TRAPPC11: variants seen among roughly 807,000 people sequenced by gnomAD.
TRAPPC11 encodes the protein foie gras homolog.
TRAPPC11 carries 104 observed loss-of-function variants against 151.2 expected under a neutral mutation model. The ratio of observed to expected loss-of-function variants is 0.69; its 90% CI spans 0.59 to 0.81. The LOEUF is 0.81. TRAPPC11 is among the 30% of genes least tolerant of loss of function. TRAPPC11 has a pLI of 0.00. For synonymous variants in TRAPPC11, 456 were observed against 472.3 expected, an observed-to-expected ratio of 0.97 and a Z score of 0.45; for missense variants, 1,230 against 1,349.6, an observed-to-expected ratio of 0.91 and a Z score of 1.39.
Position 183,674,781 on chromosome 4 carries a change from A to G in TRAPPC11, c.629A>G (p.His210Arg). 6.3e-7 allele frequency: 1 copy of G among 1,587,736 alleles called. No homozygotes were observed. The highest frequency in any genetic ancestry group is 1.1e-5 in the South Asian group (1 of 87,136). The change falls in exon 6 of 30, where the codon CAT (histidine) becomes CGT (arginine). Residue 210 changes from histidine (H) to arginine (R), a missense_variant. Transcript: ENST00000334690. ...YYTEIRRVKS[H>R]KEFLNKTTHQ... ...ACTGAGATCAGAAGAGTGAAATCTC[A>G]TAAAGAATTTTTGAATAAAACAACA...
intron 5 of TRAPPC11, 112 bp downstream of exon 5, chr4:183,668,229 A>G (rs1734979067): frequency 6.4e-6 from 4 of 625,724 alleles, no homozygotes; most frequent in East Asian, 5.5e-5. Context: ...AAACATTCAT[A>G]TGATACAGAG....
intron 25 of TRAPPC11, among the ~76,000 whole-genome samples, chr4:183,699,887 C>T (rs1164214215): frequency 2.6e-5 from 4 of 151,756 alleles, no homozygotes; most frequent in Non-Finnish European, 4.4e-5. Context: ...TGCAGTGGCA[C>T]GATCTCGGCT....
At chr4:183,660,014 C>T (rs1734389127) in intron 1 of TRAPPC11, among the ~76,000 whole-genome samples, 1 of 152,198 alleles carries the variant, frequency 6.6e-6, no homozygotes, top group African/African-American at 2.4e-5. Flanking sequence ...CTTGATCTCC[C>T]ATCCATTATT....
chr4:183,663,757 AG>A, intron 1 of TRAPPC11, 89 bp from the exon 2 acceptor site: 1 of 112,592 alleles, frequency 8.9e-6, no homozygotes, highest in Non-Finnish European at 1.6e-5. Flanking sequence ...TTTTTTTTTG[AG>A]ACAGAGTTTT....
chr4:183,670,473 A>G (rs1047073994), intron 5 of TRAPPC11, among the ~76,000 whole-genome samples: 1 of 152,238 alleles, frequency 6.6e-6, no homozygotes, highest in Non-Finnish European at 1.5e-5. Flanking sequence ...TTTAAAAACC[A>G]CGCACATACT....
chr4:183,697,788 C>T lies in TRAPPC11; in HGVS notation c.2804C>T (p.Ala935Val). The change falls in exon 25 of 30, where the codon GCT (alanine) becomes GTT (valine). Residue 935 changes from alanine to valine, a missense_variant. Physicochemically the swap from Ala to Val is moderately conservative, Grantham distance 64. Transcript: ENST00000334690. ...LTIVSSELQLAPSMTTVDQLE... is the reference protein window; with the variant it reads ...LTIVSSELQLVPSMTTVDQLE... ...ATTGTTTCCAGTGAGCTCCAGCTTG[C>T]TCCATCCATGACCACAGTGGACCAG... is the stretch of plus-strand genomic sequence containing the variant. 6.2e-7 allele frequency: 1 copy of T among 1,614,042 alleles called. No homozygotes were observed. The highest frequency in any genetic ancestry group is 8.5e-7 in the Non-Finnish European group (1 of 1,180,028).
chr4:183,699,148 G>T (rs1736682888), intron 25 of TRAPPC11, among the ~76,000 whole-genome samples: 1 of 152,104 alleles, frequency 6.6e-6, no homozygotes, highest in African/African-American at 2.4e-5. Context: ...ACTGCCCTTT[G>T]CTCTCTCCCA....
chr4:183,697,379 G>T (rs1171683953), intron 23 of TRAPPC11, 124 bp from the exon 24 acceptor site: 7 of 855,132 alleles, frequency 8.2e-6, no homozygotes, highest in African/African-American at 1.8e-5. Context: ...TATCTAAAAG[G>T]CCTTTACTTC....
rs1470927422 is a variant in TRAPPC11, at chr4:183,708,528, C to T, written c.3311C>T (p.Thr1104Ile). 3.7e-6 allele frequency: 6 copies of T among 1,614,108 alleles called. No homozygotes were observed. Among genetic ancestry groups the T allele is most frequent in the Middle Eastern group, 1.6e-4 (1 of 6,062 alleles). The stretch of plus-strand genomic sequence containing the variant: ...AACTTGCTTAGATTTCCTAACTTCA[C>T]AAATCAGCTGCTCAGGCGTTTTATA... The part of the protein sequence containing the change: ...NINLLRFPNF[T>I]NQLLRRFIPT... Residue 1104 changes from threonine to isoleucine, a missense_variant, in exon 29 of 30, where the codon ACA (threonine) becomes ATA (isoleucine). By Grantham distance (89) the Thr-to-Ile change is moderately conservative (BLOSUM62 -1). Transcript: ENST00000334690.
rs1376763787 is a variant in TRAPPC11 at position 183,678,647 on chromosome 4, A to G, written c.832-706A>G. On this transcript the variant is annotated intron_variant, in intron 8 of 29. Transcript: ENST00000334690. ...ACAATAGTTTTCTAGAAAGGCATAC[A>G]CATACTTATCTGTGTGTAGAATATA... is the stretch of plus-strand genomic sequence containing the variant. Among the ~76,000 whole-genome samples the G allele has an allele frequency of 2.0e-5, 3 of 152,222 alleles. No homozygotes were observed. In the East Asian group the frequency reaches 5.8e-4, roughly 29 times the overall value.
At chr4:183,709,158 T>G (rs1737220134) in intron 29 of TRAPPC11, among the ~76,000 whole-genome samples, 1 of 152,170 alleles carries the variant, frequency 6.6e-6, no homozygotes, top group Admixed American at 6.5e-5. Context: ...TCCACATGCT[T>G]CTGGTGTCCC....
intron 25 of TRAPPC11, among the ~76,000 whole-genome samples, chr4:183,700,290 A>C (rs1051136076): frequency 3.9e-5 from 6 of 152,218 alleles, no homozygotes; most frequent in African/African-American, 1.4e-4. Context: ...TTAACATTAC[A>C]TAAAAATACT....
rs566528803 is a variant in TRAPPC11, at chr4:183,697,495, T to G, written c.2629-8T>G. On this transcript the variant is annotated splice_polypyrimidine_tract_variant and splice_region_variant and intron_variant, in intron 23 of 29. Transcript: ENST00000334690. Reference sequence around the variant, plus strand: ...ATCCATGAATGTGCCCTTTACATTTTCTTGCAGGATGAAACTGTAACAATT... The same window carrying G: ...ATCCATGAATGTGCCCTTTACATTTGCTTGCAGGATGAAACTGTAACAATT... 15 of 1,594,678 alleles carry G rather than the reference T, an allele frequency of 9.4e-6. No individual in the cohort carries two copies. In the East Asian group the frequency reaches 3.3e-4, roughly 36 times the overall value.
At chr4:183,698,457 TC>T (rs138265038) in intron 25 of TRAPPC11, among the ~76,000 whole-genome samples, 1,892 of 152,300 alleles carry the variant, frequency 0.012, 38 homozygotes, top group African/African-American at 0.044. Context: ...TTCCTTATTG[TC>T]CTTATTGTGC....
intron 11 of TRAPPC11, among the ~76,000 whole-genome samples, chr4:183,683,662 A>G (rs1177153413): frequency 2.6e-5 from 4 of 152,212 alleles, no homozygotes; most frequent in Admixed American, 1.3e-4. Flanking sequence ...TCCCGTCTCA[A>G]AAAAAGAAAA....
intron 25 of TRAPPC11, 84 bp downstream of exon 25, chr4:183,697,919 T>C (rs1736627127): frequency 1.2e-5 from 16 of 1,336,756 alleles, no homozygotes; most frequent in Non-Finnish European, 1.4e-5. Context: ...AATGGAAGAG[T>C]TAATTAGCTT....
rs12507873 is a variant in TRAPPC11 at position 183,667,156 on chromosome 4, A to C, written c.445+26A>C. The C allele has an allele frequency of 0.096, 151,221 of 1,572,768 alleles. 7,785 individuals carry two copies. The highest frequency in any genetic ancestry group is 0.1 in the Non-Finnish European group (117,164 of 1,148,242). On this transcript the variant is annotated intron_variant, in intron 4 of 29. Coordinates refer to ENST00000334690, the MANE Select transcript of TRAPPC11 (RefSeq NM_021942.6). ...GTATCAGAAGTCTAATTAATGAATT[A>C]ATTGTTTTATACCTCCAATTCTTAT...
intron 26 of TRAPPC11, among the ~76,000 whole-genome samples, chr4:183,703,887 G>C (rs1736917409): frequency 6.6e-6 from 1 of 152,184 alleles, no homozygotes; most frequent in Non-Finnish European, 1.5e-5. Context: ...TATGTTTGTT[G>C]ATAGTAAAAT....
intron 7 of TRAPPC11, among the ~76,000 whole-genome samples, chr4:183,677,120 C>T (rs1410837078): frequency 1.3e-5 from 2 of 152,280 alleles, no homozygotes; most frequent in African/African-American, 4.8e-5. Context: ...TGTTTGAGAG[C>T]TTGTAATGGT....
Sources: gnomAD v4.1 joint callset for allele counts (sites outside exome capture counted in the v4.1 genomes callset) on GRCh38, gnomAD v4.1.1 for gene constraint, MANE v1.5 for transcripts, NCBI Gene and HGNC (gene_info 2026-07-23, HGNC 2026-07-21) for gene names.